The following CDH18 variants were observed in gnomAD, a reference collection of about 807,000 sequenced individuals.
The protein encoded by CDH18 is cadherin 18.
CDH18 carries 31 observed loss-of-function variants against 67.9 expected under a neutral mutation model. The ratio of observed to expected loss-of-function variants is 0.46; its 90% CI spans 0.34 to 0.62. CDH18 has a LOEUF of 0.62. Ranked by LOEUF, CDH18 falls within the 20% of genes least tolerant of loss-of-function variation. The probability of loss-of-function intolerance (pLI) is 0.01; values close to 1 mark genes in which losing one functional copy is unlikely to be tolerated. For synonymous variants in CDH18, 362 were observed against 347.2 expected, an observed-to-expected ratio of 1.04 and a Z score of -0.48; for missense variants, 890 against 975.5, an observed-to-expected ratio of 0.91 and a Z score of 1.17.
chr5:20,571,292 G>A (rs1758805052), intron 1 of CDH18, among the ~76,000 whole-genome samples: 1 of 152,042 alleles, frequency 6.6e-6, no homozygotes, highest in Non-Finnish European at 1.5e-5. Context: ...TACAGTTGTT[G>A]CATTTTCATT....
chr5:20,110,028 C>G (rs1747321351), intron 2 of CDH18, among the ~76,000 whole-genome samples: 1 of 152,144 alleles, frequency 6.6e-6, no homozygotes, highest in Admixed American at 6.5e-5. Context: ...AGAGAGAGAT[C>G]ATGACAAGAA....
intron 3 of CDH18, among the ~76,000 whole-genome samples, chr5:19,821,660 A>T (rs1681873201): frequency 6.6e-6 from 1 of 152,182 alleles, no homozygotes; most frequent in African/African-American, 2.4e-5. Context: ...ACACATAGTC[A>T]TCAGGGTTTC....
chr5:20,427,533 A>G (rs72746813), intron 1 of CDH18, among the ~76,000 whole-genome samples: 1,573 of 151,288 alleles, frequency 0.01, 29 homozygotes, highest in South Asian at 0.024. Context: ...TTTTCACCAG[A>G]TATTTTAAAG....
intron 5 of CDH18, among the ~76,000 whole-genome samples, chr5:19,623,100 G>C (rs576493867): frequency 7.7e-4 from 117 of 152,292 alleles, no homozygotes; most frequent in African/African-American, 2.8e-3. Flanking sequence ...GAAATGGAGT[G>C]CATGACATAT....
At chr5:20,085,909 A>C (rs937115935) in intron 2 of CDH18, among the ~76,000 whole-genome samples, 1 of 152,200 alleles carries the variant, frequency 6.6e-6, no homozygotes, top group Non-Finnish European at 1.5e-5. Flanking sequence ...GCCTCTTAGC[A>C]TTCAAATAAA....
intron 11 of CDH18, among the ~76,000 whole-genome samples, chr5:19,486,030 C>A (rs1006056913): frequency 2.0e-5 from 3 of 152,004 alleles, no homozygotes; most frequent in Admixed American, 1.3e-4. Context: ...AAATAGAAAT[C>A]TCTAAGACAT....
chr5:19,742,854 G>A (rs1399147104), intron 4 of CDH18, among the ~76,000 whole-genome samples: 1 of 151,942 alleles, frequency 6.6e-6, no homozygotes. Context: ...ATTTTATCAG[G>A]CCCCATACGT....
chr5:19,533,298 G>A (rs1748931297), intron 9 of CDH18, among the ~76,000 whole-genome samples: 1 of 152,158 alleles, frequency 6.6e-6, no homozygotes, highest in Non-Finnish European at 1.5e-5. Flanking sequence ...GCTTTGTTGA[G>A]TAGAGGAATA....
rs992901980 is a variant in CDH18, at chr5:19,624,073, T to A, written c.644-11472A>T. 1.3e-4 allele frequency among the ~76,000 whole-genome samples: 19 copies of A among 151,132 alleles called. 2 individuals carry two copies. Among genetic ancestry groups the A allele is most frequent in the Admixed American group, 1.3e-3 (19 of 15,140 alleles). ...CCCCAGCTAGAGTGCAGTGGCGCCA[T>A]CTTGGCTCACTGCAAACTCTGTCTG... On this transcript the variant is annotated intron_variant, in intron 5 of 12. Transcript: ENST00000382275.
intron 7 of CDH18, among the ~76,000 whole-genome samples, chr5:19,572,545 G>A (rs1404113578): frequency 6.6e-6 from 1 of 152,136 alleles, no homozygotes; most frequent in Non-Finnish European, 1.5e-5. Flanking sequence ...TACACTGGGT[G>A]GCTTAAGCCA....
chr5:20,063,788 C>T (rs531602863), intron 2 of CDH18, among the ~76,000 whole-genome samples: 4 of 152,112 alleles, frequency 2.6e-5, no homozygotes, highest in African/African-American at 7.2e-5. Flanking sequence ...ATAAATGTAC[C>T]AACCTTATAC....
chr5:19,952,547 C>T (rs1241548467), intron 2 of CDH18, among the ~76,000 whole-genome samples: 1 of 152,116 alleles, frequency 6.6e-6, no homozygotes, highest in Non-Finnish European at 1.5e-5. Flanking sequence ...CTTCCTAATA[C>T]TCTCCATTCA....
chr5:20,095,335 GAA>G (rs764012929), intron 2 of CDH18, among the ~76,000 whole-genome samples: 3 of 105,206 alleles, frequency 2.9e-5, no homozygotes, highest in African/African-American at 7.2e-5. Flanking sequence ...AAGAAAGAAA[GAA>G]AGAAAGAAAG....
intron 2 of CDH18, among the ~76,000 whole-genome samples, chr5:20,156,274 G>A (rs535738861): frequency 3.9e-5 from 6 of 152,092 alleles, no homozygotes; most frequent in East Asian, 1.9e-4. Context: ...CAAAAGATAC[G>A]CTCGTTATGT....
chr5:19,891,875 G>C (rs1379778618), intron 2 of CDH18, among the ~76,000 whole-genome samples: 1 of 152,190 alleles, frequency 6.6e-6, no homozygotes, highest in Non-Finnish European at 1.5e-5. Flanking sequence ...GCATTTCCTA[G>C]GAGCAAAGCA....
intron 1 of CDH18, among the ~76,000 whole-genome samples, chr5:20,303,499 C>T (rs1736121429): frequency 6.6e-6 from 1 of 152,136 alleles, no homozygotes; most frequent in Non-Finnish European, 1.5e-5. Context: ...CTGAGGTGAA[C>T]ACTTAGTACT....
At chr5:19,996,599 AT>A (rs901226084) in intron 2 of CDH18, among the ~76,000 whole-genome samples, 6 of 151,834 alleles carry the variant, frequency 4.0e-5, no homozygotes, top group African/African-American at 1.4e-4. Flanking sequence ...TAACAATACC[AT>A]TTTCTTCTAT....
chr5:19,867,370 T>C (rs1050957121), intron 2 of CDH18, among the ~76,000 whole-genome samples: 18 of 152,138 alleles, frequency 1.2e-4, no homozygotes, highest in African/African-American at 4.3e-4. Flanking sequence ...GATATACAGA[T>C]ATAAAATAAA....
chr5:19,834,850 C>G (rs1033473271), intron 3 of CDH18, among the ~76,000 whole-genome samples: 3 of 150,340 alleles, frequency 2.0e-5, no homozygotes, highest in African/African-American at 7.5e-5. Flanking sequence ...TTTTTAAATT[C>G]TGAGTTCTAA....
Sources: allele counts gnomAD v4.1 joint callset (sites outside exome capture counted in the v4.1 genomes callset), GRCh38; gene constraint gnomAD v4.1.1; transcripts MANE v1.5; gene names NCBI Gene and HGNC (gene_info 2026-07-23, HGNC 2026-07-21).